Variants in MCU observed in about 807,000 individuals in gnomAD.
MCU encodes the protein calcium uniporter protein, mitochondrial.
MCU carries 12 observed loss-of-function variants against 45.2 expected under a neutral mutation model. The observed-to-expected ratio is 0.27, with a 90% CI of 0.17 to 0.43. MCU has a LOEUF of 0.43. MCU is among the 20% of genes least tolerant of loss of function. The probability of loss-of-function intolerance (pLI) is 1.00; values close to 1 mark genes in which losing one functional copy is unlikely to be tolerated. For missense variants in MCU, 324 were observed against 436.7 expected, an observed-to-expected ratio of 0.74 and a Z score of 2.30; for synonymous variants, 160 against 165.1, an observed-to-expected ratio of 0.97 and a Z score of 0.24.
intron 1 of MCU, among the ~76,000 whole-genome samples, chr10:72,828,694 A>G (rs758885851): frequency 2.6e-5 from 4 of 152,142 alleles, no homozygotes; most frequent in Non-Finnish European, 4.4e-5. Context: ...TTTAAAAGTA[A>G]ATTTTGACTT....
Position 72,733,640 on chromosome 10 carries a change from A to G in MCU, c.150+41339A>G, listed in dbSNP as rs1204340352. On this transcript the variant is annotated intron_variant, in intron 1 of 7. Transcript: ENST00000373053. ...AAGCATTTATGGCAGTGCTTGGCAC[A>G]TAACGAGTACTCTGTTGGTGGTACC... Among the ~76,000 whole-genome samples, 4 of 151,594 alleles carry G rather than the reference A, an allele frequency of 2.6e-5. No individual in the cohort carries two copies. The East Asian group carries it at 7.7e-4, about 29-fold the overall frequency.
At chr10:72,765,847 A>G (rs1198741686) in intron 1 of MCU, among the ~76,000 whole-genome samples, 3 of 149,728 alleles carry the variant, frequency 2.0e-5, no homozygotes, top group African/African-American at 7.3e-5. Context: ...TCAGATGACT[A>G]TTTTCTTTTA....
intron 1 of MCU, among the ~76,000 whole-genome samples, chr10:72,783,630 G>A (rs1039291713): frequency 5.6e-4 from 85 of 152,334 alleles, no homozygotes; most frequent in African/African-American, 2.0e-3. Context: ...ATAAAGAGAG[G>A]ATTTTGTTGG....
chr10:72,739,801 C>T (rs548149321), intron 1 of MCU, among the ~76,000 whole-genome samples: 24 of 151,676 alleles, frequency 1.6e-4, no homozygotes, highest in Admixed American at 2.6e-4. Context: ...CTTAGCCTCC[C>T]GAGTAGCTGG....
At chr10:72,730,265 A>G (rs2921448) in intron 1 of MCU, among the ~76,000 whole-genome samples, 104,133 of 149,632 alleles carry the variant, frequency 0.7, 37,556 homozygotes, top group African/African-American at 0.85. Flanking sequence ...CCAGCCTTCA[A>G]CATTCTTTTA....
chr10:72,693,050 C>T (rs2132638469), intron 1 of MCU: 4 of 1,536,106 alleles, frequency 2.6e-6, no homozygotes, highest in Non-Finnish European at 3.5e-6. Flanking sequence ...TCAGCAGGCA[C>T]AGGAGAAGCG....
chr10:72,844,582 T>G (rs1249333673), intron 2 of MCU, among the ~76,000 whole-genome samples: 1 of 151,968 alleles, frequency 6.6e-6, no homozygotes, highest in Admixed American at 6.6e-5. Context: ...AAAATATATA[T>G]ATATAGATAT....
At chr10:72,726,263 G>A (rs1432166333) in intron 1 of MCU, among the ~76,000 whole-genome samples, 1 of 133,438 alleles carries the variant, frequency 7.5e-6, no homozygotes, top group African/African-American at 3.7e-5. Context: ...ACACGTGTGT[G>A]TGTGTGTGTG....
chr10:72,791,444 A>G (rs1589461704), intron 1 of MCU, among the ~76,000 whole-genome samples: 1 of 152,132 alleles, frequency 6.6e-6, no homozygotes, highest in Non-Finnish European at 1.5e-5. Flanking sequence ...GAAGAATGTC[A>G]GTGTTTTTTA....
intron 1 of MCU, among the ~76,000 whole-genome samples, chr10:72,832,390 C>G (rs1277730500): frequency 6.6e-6 from 1 of 152,116 alleles, no homozygotes; most frequent in Non-Finnish European, 1.5e-5. Context: ...CAAAGAAACT[C>G]AGAAAGGATA....
intron 1 of MCU, among the ~76,000 whole-genome samples, chr10:72,818,487 A>G (rs1032721973): frequency 3.9e-5 from 6 of 152,328 alleles, no homozygotes; most frequent in African/African-American, 1.4e-4. Context: ...CTGAAGATCA[A>G]TTAGTGAATT....
intron 2 of MCU, among the ~76,000 whole-genome samples, chr10:72,848,764 A>G (rs1195504114): frequency 6.6e-6 from 1 of 151,958 alleles, no homozygotes; most frequent in Admixed American, 6.6e-5. Context: ...GCGTGTGTGT[A>G]TGTATAAATG....
At chr10:72,877,848 C>T (rs1210598616) in intron 6 of MCU, among the ~76,000 whole-genome samples, 3 of 152,016 alleles carry the variant, frequency 2.0e-5, no homozygotes, top group East Asian at 1.9e-4. Context: ...CTAAAGTAGG[C>T]GAAACAGAAA....
chr10:72,700,363 A>G (rs564435582), intron 1 of MCU, among the ~76,000 whole-genome samples: 51 of 152,280 alleles, frequency 3.3e-4, no homozygotes, highest in African/African-American at 1.2e-3. Flanking sequence ...TGCCCGGCCA[A>G]ATTCTTAAAG....
chr10:72,750,398 A>G (rs1362187486), intron 1 of MCU, among the ~76,000 whole-genome samples: 2 of 152,230 alleles, frequency 1.3e-5, no homozygotes, highest in African/African-American at 2.4e-5. Context: ...TAAAATAGGT[A>G]CAAAACTGAG....
chr10:72,806,580 A>T (rs1412462477), intron 1 of MCU, among the ~76,000 whole-genome samples: 1 of 152,246 alleles, frequency 6.6e-6, no homozygotes, highest in South Asian at 2.1e-4. Context: ...TGCCAGGAAC[A>T]TACAGAACTA....
chr10:72,777,859 TA>T (rs1422571631), intron 1 of MCU, among the ~76,000 whole-genome samples: 21 of 152,078 alleles, frequency 1.4e-4, no homozygotes, highest in African/African-American at 5.1e-4. Context: ...AAATAATCTA[TA>T]CAGTGGGCAA....
intron 1 of MCU, among the ~76,000 whole-genome samples, chr10:72,729,945 C>A (rs1843148667): frequency 2.1e-5 from 3 of 144,838 alleles, no homozygotes; most frequent in South Asian, 4.3e-4. Flanking sequence ...TCACTCTCTT[C>A]AGCATTCTTT....
intron 1 of MCU, among the ~76,000 whole-genome samples, chr10:72,829,360 C>G (rs1025265231): frequency 1.3e-5 from 2 of 150,604 alleles, no homozygotes; most frequent in African/African-American, 4.9e-5. Flanking sequence ...GAGATTTTCC[C>G]TTTCTCTGAT....
Sources: gnomAD v4.1 joint callset for allele counts (sites outside exome capture counted in the v4.1 genomes callset) on GRCh38, gnomAD v4.1.1 for gene constraint, MANE v1.5 for transcripts, NCBI Gene and HGNC (gene_info 2026-07-23, HGNC 2026-07-21) for gene names.